Variants in CADM2 observed in about 807,000 individuals in gnomAD.
CADM2 encodes the protein immunoglobulin superfamily member 4D.
A neutral mutation model predicts 49.8 loss-of-function variants in CADM2; 12 were observed. The ratio of observed to expected loss-of-function variants is 0.24; its 90% CI spans 0.15 to 0.39. CADM2 has a LOEUF of 0.39. Ranked by LOEUF, CADM2 falls within the 10% of genes least tolerant of loss-of-function variation. CADM2 has a pLI of 1.00. For synonymous variants in CADM2, 214 were observed against 175.4 expected, an observed-to-expected ratio of 1.22 and a Z score of -1.74; for missense variants, 378 against 492.3, an observed-to-expected ratio of 0.77 and a Z score of 2.20.
chr3:85,249,943 T>C (rs1002981860), intron 1 of CADM2, among the ~76,000 whole-genome samples: 1 of 151,846 alleles, frequency 6.6e-6, no homozygotes, highest in African/African-American at 2.4e-5. Context: ...AAATTTCTAA[T>C]GAATTCTATA....
intron 6 of CADM2, among the ~76,000 whole-genome samples, chr3:85,913,076 C>T (rs1195980823): frequency 6.6e-6 from 1 of 152,010 alleles, no homozygotes; most frequent in Non-Finnish European, 1.5e-5. Context: ...TCTAATAGAT[C>T]GGGGCAGTGC....
Position 85,761,638 on chromosome 3 carries a change from G to A in CADM2, c.88+35090G>A, listed in dbSNP as rs962980718. On this transcript the variant is annotated intron_variant, in intron 2 of 9. Coordinates refer to ENST00000383699, the MANE Select transcript of CADM2 (RefSeq NM_001167675.2). ...GATCCACCCACCTCAGCCTCCCAAA[G>A]TTCTGGGATTACAGGCGTGAGCCAC... Among the ~76,000 whole-genome samples the A allele has an allele frequency of 3.3e-5, 5 of 152,070 alleles. 1 individual carries two copies. Among genetic ancestry groups the A allele is most frequent in the African/African-American group, 1.2e-4 (5 of 41,480 alleles).
chr3:86,045,124 G>T (rs993060925), intron 8 of CADM2, among the ~76,000 whole-genome samples: 3 of 151,838 alleles, frequency 2.0e-5, no homozygotes, highest in Admixed American at 6.6e-5. Flanking sequence ...CAGTTAATGG[G>T]TGCAGCACAC....
chr3:85,075,767 CATT>C (rs2036918088), intron 1 of CADM2, among the ~76,000 whole-genome samples: 1 of 152,118 alleles, frequency 6.6e-6, no homozygotes, highest in Non-Finnish European at 1.5e-5. Flanking sequence ...CAAAATGTCA[CATT>C]AGAGCATAAT....
At chr3:85,801,376 G>T (rs2072024725) in intron 2 of CADM2, among the ~76,000 whole-genome samples, 1 of 152,004 alleles carries the variant, frequency 6.6e-6, no homozygotes. Context: ...AGAAAATCGA[G>T]AAACTACAGA....
intron 8 of CADM2, among the ~76,000 whole-genome samples, chr3:86,044,525 C>T (rs1053321248): frequency 1.3e-5 from 2 of 152,148 alleles, no homozygotes; most frequent in African/African-American, 4.8e-5. Context: ...CATCTCACAC[C>T]AGTTAGAATG....
At chr3:85,761,085 C>T (rs1225045237) in intron 2 of CADM2, among the ~76,000 whole-genome samples, 1 of 152,092 alleles carries the variant, frequency 6.6e-6, no homozygotes, top group Admixed American at 6.6e-5. Context: ...ATCAGGATTA[C>T]CTGCAGGAAC....
At chr3:85,559,131 T>C (rs2062029093) in intron 1 of CADM2, among the ~76,000 whole-genome samples, 1 of 152,110 alleles carries the variant, frequency 6.6e-6, no homozygotes, top group Non-Finnish European at 1.5e-5. Flanking sequence ...TTACTCTCCA[T>C]TTATTTAATT....
At chr3:85,417,973 TTAAG>T (rs2035988401) in intron 1 of CADM2, among the ~76,000 whole-genome samples, 1 of 152,212 alleles carries the variant, frequency 6.6e-6, no homozygotes, top group South Asian at 2.1e-4. Context: ...TAGACATACT[TTAAG>T]TAGGAAGGTA....
At chr3:85,420,281 C>T (rs558180733) in intron 1 of CADM2, among the ~76,000 whole-genome samples, 1 of 152,294 alleles carries the variant, frequency 6.6e-6, no homozygotes, top group African/African-American at 2.4e-5. Flanking sequence ...TTTATAGATG[C>T]ATCTACTTAC....
intron 1 of CADM2, among the ~76,000 whole-genome samples, chr3:85,293,218 C>T (rs1372081197): frequency 5.9e-5 from 9 of 152,136 alleles, no homozygotes; most frequent in African/African-American, 2.2e-4. Flanking sequence ...AACACATACA[C>T]TCTCCCAAGA....
intron 1 of CADM2, among the ~76,000 whole-genome samples, chr3:85,579,772 G>T (rs913061404): frequency 6.6e-6 from 1 of 151,874 alleles, no homozygotes; most frequent in East Asian, 1.9e-4. Context: ...AATTCATATA[G>T]ATTTATATAG....
At chr3:85,884,165 C>T (rs893281262) in intron 4 of CADM2, among the ~76,000 whole-genome samples, 2 of 152,162 alleles carry the variant, frequency 1.3e-5, no homozygotes, top group Non-Finnish European at 2.9e-5. Context: ...GACGTCAGTG[C>T]CCCAATCAGC....
At chr3:85,017,611 G>T (rs889469534) in intron 1 of CADM2, among the ~76,000 whole-genome samples, 9 of 152,036 alleles carry the variant, frequency 5.9e-5, no homozygotes, top group Admixed American at 5.2e-4. Context: ...GTTTTATTTA[G>T]ACAAAATCCT....
chr3:85,557,619 A>G (rs939809924), intron 1 of CADM2, among the ~76,000 whole-genome samples: 3 of 152,018 alleles, frequency 2.0e-5, no homozygotes, highest in African/African-American at 4.8e-5. Flanking sequence ...ACATACAGCT[A>G]AAGTATTTTG....
intron 1 of CADM2, among the ~76,000 whole-genome samples, chr3:84,979,996 A>G (rs73843249): frequency 0.047 from 7,166 of 152,280 alleles, 557 homozygotes; most frequent in African/African-American, 0.16. Context: ...TAAGAAAGCC[A>G]AATACCTATT....
chr3:85,537,670 A>C (rs1662743241), intron 1 of CADM2, among the ~76,000 whole-genome samples: 1 of 151,982 alleles, frequency 6.6e-6, no homozygotes, highest in African/African-American at 2.4e-5. Flanking sequence ...TAACCAGTTA[A>C]ATTGAACAAT....
At chr3:85,515,737 A>G (rs866425176) in intron 1 of CADM2, among the ~76,000 whole-genome samples, 13 of 150,780 alleles carry the variant, frequency 8.6e-5, no homozygotes, top group Non-Finnish European at 1.3e-4. Flanking sequence ...TCAGCCTCCC[A>G]AAGTCCTGGG....
chr3:85,144,959 A>G (rs2107635217), intron 1 of CADM2, among the ~76,000 whole-genome samples: 1 of 152,324 alleles, frequency 6.6e-6, no homozygotes, highest in South Asian at 2.1e-4. Context: ...GAAGTGTCAG[A>G]TGTATGCCAA....
Sources: allele counts gnomAD v4.1 joint callset (sites outside exome capture counted in the v4.1 genomes callset), GRCh38; gene constraint gnomAD v4.1.1; transcripts MANE v1.5; gene names NCBI Gene and HGNC (gene_info 2026-07-23, HGNC 2026-07-21).